Variants in ERICH5 observed in about 807,000 individuals in gnomAD.
The protein encoded by ERICH5 is glutamate rich 5, also known as glutamate-rich protein 5.
A neutral mutation model predicts 28.0 loss-of-function variants in ERICH5; 24 were observed. That is an observed-to-expected ratio of 0.86 (90% CI 0.62 to 1.21). The LOEUF (loss-of-function observed/expected upper bound fraction) is 1.21, where lower values mean the gene tolerates loss of function less well. Among genes scored for constraint, ERICH5 ranks in the 50% most tolerant of loss-of-function variants. The pLI is 0.00. For missense variants in ERICH5, 421 were observed against 441.2 expected, an observed-to-expected ratio of 0.95 and a Z score of 0.41; for synonymous variants, 163 against 157.6, an observed-to-expected ratio of 1.03 and a Z score of -0.25.
chr8:98,079,098 A>G (rs918580587), intron 1 of ERICH5, among the ~76,000 whole-genome samples: 1 of 149,460 alleles, frequency 6.7e-6, no homozygotes, highest in African/African-American at 2.5e-5. Flanking sequence ...GGGAGTAGCT[A>G]TTTGAATTTC....
intron 1 of ERICH5, among the ~76,000 whole-genome samples, chr8:98,079,819 GT>G (rs1350673586): frequency 2.0e-5 from 3 of 152,124 alleles, no homozygotes; most frequent in Non-Finnish European, 4.4e-5. Flanking sequence ...GGATTACAGG[GT>G]GAGCTACCGT....
rs1370006644 is a variant in ERICH5, at chr8:98,093,268, A to G, written c.1060A>G (p.Ser354Gly). ...VETDMENEKV[S>G]EGAETKEEET... ...AACAGACATGGAGAATGAGAAAGTG[A>G]GTGAAGGGGCTGAAACCAAAGAAGA... Residue 354 changes from serine (S) to glycine (G), a missense_variant, in exon 3 of 3, where the codon AGT (serine) becomes GGT (glycine). By Grantham distance (56) the Ser-to-Gly change is moderately conservative (BLOSUM62 0). Coordinates refer to ENST00000318528, the MANE Select transcript of ERICH5 (RefSeq NM_173549.3). The G allele has an allele frequency of 1.9e-6, 3 of 1,614,062 alleles. No individual in the cohort carries two copies. In the South Asian group the frequency reaches 3.3e-5, roughly 18 times the overall value.
Position 98,093,315 on chromosome 8 carries a change from C to T in ERICH5, c.1107C>T (p.Asp369=). The change falls in exon 3 of 3, where the codon GAC becomes GAT. Residue 369 remains aspartate (D), a synonymous_variant. Transcript: ENST00000318528. ...TKEEETGEVV[D]LSAAT ...AAGAAGAAACAGGAGAAGTGGTGGA[C>T]CTTTCAGCAGCCACATAGATAGAAG... 1.9e-6 allele frequency: 3 copies of T among 1,613,226 alleles called. No homozygotes were observed. The South Asian group carries it at 3.3e-5, about 18-fold the overall frequency.
intron 1 of ERICH5, among the ~76,000 whole-genome samples, chr8:98,069,733 C>T (rs1005325347): frequency 4.6e-5 from 7 of 152,096 alleles, no homozygotes; most frequent in African/African-American, 1.7e-4. Flanking sequence ...CCAGGAGTGG[C>T]ATTACTAGGT....
At chr8:98,081,288 G>C (rs974806822) in intron 1 of ERICH5, among the ~76,000 whole-genome samples, 21 of 151,708 alleles carry the variant, frequency 1.4e-4, no homozygotes, top group African/African-American at 4.8e-4. Flanking sequence ...AAATTTTTTG[G>C]TAGAGACAGG....
At chr8:98,087,842 TATA>T (rs1389495967) in intron 1 of ERICH5, among the ~76,000 whole-genome samples, 19 of 152,190 alleles carry the variant, frequency 1.2e-4, no homozygotes, top group Non-Finnish European at 1.8e-4. Flanking sequence ...TTTTTCATGG[TATA>T]ATAATATTCC....
intron 1 of ERICH5, 30 bp downstream of exon 1, chr8:98,064,757 C>T (rs1405407677): frequency 4.0e-6 from 6 of 1,518,660 alleles, no homozygotes; most frequent in Non-Finnish European, 5.3e-6. Flanking sequence ...CGCCCGCGCC[C>T]GGGCTGGGGA....
intron 2 of ERICH5, among the ~76,000 whole-genome samples, chr8:98,091,908 TC>T (rs1563759610): frequency 1.1e-4 from 10 of 93,026 alleles, no homozygotes; most frequent in African/African-American, 3.5e-4. Flanking sequence ...TTCCTTTCTT[TC>T]TTTCTTTCTT....
intron 2 of ERICH5, among the ~76,000 whole-genome samples, chr8:98,091,884 C>CTT (rs1305293486): frequency 2.4e-4 from 21 of 86,800 alleles, no homozygotes; most frequent in African/African-American, 9.3e-4. Flanking sequence ...TTCTTTCTTT[C>CTT]TTTCTTTCTT....
intron 2 of ERICH5, among the ~76,000 whole-genome samples, chr8:98,091,774 G>T (rs1332293166): frequency 2.0e-5 from 3 of 151,804 alleles, no homozygotes; most frequent in Admixed American, 6.5e-5. Context: ...CAGGTTTAGG[G>T]GCACCCCTGG....
chr8:98,080,955 G>A (rs1373760516), intron 1 of ERICH5, among the ~76,000 whole-genome samples: 4 of 151,858 alleles, frequency 2.6e-5, no homozygotes, highest in African/African-American at 4.8e-5. Flanking sequence ...TGCCCGCCTC[G>A]GCCTCCCAAA....
intron 1 of ERICH5, among the ~76,000 whole-genome samples, chr8:98,070,339 C>A (rs972960529): frequency 2.0e-5 from 3 of 151,936 alleles, no homozygotes; most frequent in Non-Finnish European, 2.9e-5. Context: ...GCCTGGGCAA[C>A]ACAGTGAGAC....
At chr8:98,070,103 G>A (rs887890166) in intron 1 of ERICH5, among the ~76,000 whole-genome samples, 1 of 152,122 alleles carries the variant, frequency 6.6e-6, no homozygotes, top group African/African-American at 2.4e-5. Flanking sequence ...TAGATGGATG[G>A]ATGGACCTGG....
chr8:98,067,895 C>T lies in ERICH5; in HGVS notation c.58+3168C>T, dbSNP rs147854224. Among the ~76,000 whole-genome samples the T allele has an allele frequency of 7.3e-3, 1,107 of 152,106 alleles. 8 individuals carry two copies. The highest frequency in any genetic ancestry group is 0.013 in the Non-Finnish European group (869 of 67,996). Reference sequence around the variant, plus strand: ...CTGGGATTATAGGCATGAGCCACCACGCGTGGCCTATACTATATATATTAT... The same window carrying T: ...CTGGGATTATAGGCATGAGCCACCATGCGTGGCCTATACTATATATATTAT... On this transcript the variant is annotated intron_variant, in intron 1 of 2. Coordinates refer to ENST00000318528, the MANE Select transcript of ERICH5 (RefSeq NM_173549.3).
intron 1 of ERICH5, among the ~76,000 whole-genome samples, chr8:98,087,200 A>C (rs139811799): frequency 6.6e-6 from 1 of 152,292 alleles, no homozygotes; most frequent in African/African-American, 2.4e-5. Context: ...AAAATAAAAA[A>C]AGTTAATTGA....
Position 98,075,045 on chromosome 8 carries a change from G to T in ERICH5, c.58+10318G>T, listed in dbSNP as rs1030855172. 3.3e-5 allele frequency among the ~76,000 whole-genome samples: 5 copies of T among 152,156 alleles called. No homozygotes were observed. The East Asian group carries it at 9.7e-4, about 29-fold the overall frequency. On this transcript the variant is annotated intron_variant, in intron 1 of 2. Transcript: ENST00000318528. Reference sequence around the variant, plus strand: ...TATTTTGTGGAAGATTCCTCAACTGGAATTTGTCTGGTATTTTTCTCATGA... The same window carrying T: ...TATTTTGTGGAAGATTCCTCAACTGTAATTTGTCTGGTATTTTTCTCATGA...
intron 1 of ERICH5, among the ~76,000 whole-genome samples, chr8:98,066,423 T>C (rs1355109000): frequency 6.6e-6 from 1 of 152,222 alleles, no homozygotes; most frequent in African/African-American, 2.4e-5. Flanking sequence ...GATTAAAACA[T>C]GTATTTCAGG....
At chr8:98,081,808 A>G (rs2130524386) in intron 1 of ERICH5, among the ~76,000 whole-genome samples, 1 of 152,174 alleles carries the variant, frequency 6.6e-6, no homozygotes, top group African/African-American at 2.4e-5. Context: ...CATGCCTGTA[A>G]TCCCAGCTAC....
chr8:98,089,631 C>T lies in ERICH5; in HGVS notation c.614C>T (p.Pro205Leu), dbSNP rs776360863. ...CTGCAAATAGCTGGAGAGCTACAAC[C>T]TCAGGGCACAGTGGGAAAGGATGAG... ...LTLQIAGELQ[P>L]QGTVGKDEQA... Residue 205 changes from proline (P) to leucine (L), a missense_variant, in exon 2 of 3, where the codon CCT (proline) becomes CTT (leucine). Coordinates refer to ENST00000318528, the MANE Select transcript of ERICH5 (RefSeq NM_173549.3). The T allele has an allele frequency of 1.2e-6, 2 of 1,614,134 alleles. No homozygotes were observed. The highest frequency in any genetic ancestry group is 2.2e-5 in the East Asian group (1 of 44,890).
Sources: allele counts gnomAD v4.1 joint callset (sites outside exome capture counted in the v4.1 genomes callset), GRCh38; gene constraint gnomAD v4.1.1; transcripts MANE v1.5; gene names NCBI Gene and HGNC (gene_info 2026-07-23, HGNC 2026-07-21).